The following BCAS3 variants were observed in gnomAD, a reference collection of about 807,000 sequenced individuals.
BCAS3 encodes BCAS4/BCAS3 fusion.
Under a neutral mutation model 116.1 loss-of-function variants are expected in BCAS3, and 53 were observed. The observed-to-expected ratio is 0.46, with a 90% confidence interval of 0.37 to 0.57. The LOEUF is 0.57. BCAS3 is among the 20% of genes least tolerant of loss of function. The probability of loss-of-function intolerance (pLI) is 0.00; values close to 1 mark genes in which losing one functional copy is unlikely to be tolerated. For missense variants in BCAS3, 917 were observed against 1,165.4 expected (o/e 0.79, Z 3.10); for synonymous variants, 391 against 408.2 (o/e 0.96, Z 0.51).
chr17:61,235,692 G>A lies in BCAS3; in HGVS notation c.2426-132635G>A, dbSNP rs1413651665. ...GTTTGAACTTGGAAAGAAGACTTTT[G>A]AATTGTTTAAAAAAAAAAAAAAGGA... is the stretch of plus-strand genomic sequence containing the variant. On this transcript the variant is annotated intron_variant, in intron 22 of 23. Coordinates refer to ENST00000407086, the MANE Select transcript of BCAS3 (RefSeq NM_017679.5). This position sits in a 1 kb window ranked among gnomAD's most constrained non-coding sequence, Gnocchi z 5.0. 4.7e-5 allele frequency among the ~76,000 whole-genome samples: 3 copies of A among 63,432 alleles called. No homozygotes were observed. The highest frequency in any genetic ancestry group is 5.7e-5 in the African/African-American group (1 of 17,490). The allele number at this position is 63,432 out of a possible 152,430, so 41.6% of individuals were successfully genotyped here. A position where few individuals can be genotyped will look rare whatever the true frequency, so the allele number is the denominator to read the frequency against.
chr17:60,818,150 C>T (rs915760322), intron 7 of BCAS3, among the ~76,000 whole-genome samples: 1 of 152,112 alleles, frequency 6.6e-6, no homozygotes, highest in African/African-American at 2.4e-5. Context: ...CCATTGCACC[C>T]AGCTGAGAAA....
At chr17:61,075,255 T>C (rs2071859543) in intron 20 of BCAS3, among the ~76,000 whole-genome samples, 1 of 152,148 alleles carries the variant, frequency 6.6e-6, no homozygotes, top group East Asian at 1.9e-4. Context: ...TCCATAAACA[T>C]GGCATAAAAT....
rs988005311 is a variant in BCAS3, at chr17:60,929,170, A to G, written c.1087+4670A>G. On this transcript the variant is annotated intron_variant, in intron 13 of 23. Transcript: ENST00000407086. The stretch of plus-strand genomic sequence containing the variant: ...AGCCGGGCACATTGCTTATAATCCC[A>G]GTGACCCAGGAGGCTGAGATGGGGG... Among the ~76,000 whole-genome samples, 10 of 152,340 alleles carry G rather than the reference A, an allele frequency of 6.6e-5. No individual in the cohort carries two copies. In the East Asian group the frequency reaches 1.9e-3, roughly 29 times the overall value.
Position 61,068,495 on chromosome 17 carries a change from C to T in BCAS3, c.2030-6425C>T, listed in dbSNP as rs1254460641. Among the ~76,000 whole-genome samples, 2 of 152,204 alleles carry T rather than the reference C, an allele frequency of 1.3e-5. No homozygotes were observed. The highest frequency in any genetic ancestry group is 2.9e-5 in the Non-Finnish European group (2 of 68,042). On this transcript the variant is annotated intron_variant, in intron 19 of 23. Transcript: ENST00000407086. The surrounding 1 kb of genome is among the most constrained non-coding windows in gnomAD (Gnocchi z 4.3). ...ATCCAGCTCCTGTCAGTTGTCTGGACTATGTCCATATTATTCTTGTACATG... is the reference window on the plus strand; with the variant it reads ...ATCCAGCTCCTGTCAGTTGTCTGGATTATGTCCATATTATTCTTGTACATG...
rs199967232 is a variant in BCAS3 at position 61,368,277 on chromosome 17, T to C, written c.2426-50T>C. 416 of 1,537,228 alleles carry C rather than the reference T, an allele frequency of 2.7e-4. 2 individuals carry two copies. In the African/African-American group the frequency reaches 5.2e-3, roughly 19 times the overall value. On this transcript the variant is annotated intron_variant, in intron 22 of 23. Coordinates refer to ENST00000407086, the MANE Select transcript of BCAS3 (RefSeq NM_017679.5). This position sits in a 1 kb window ranked among gnomAD's most constrained non-coding sequence, Gnocchi z 6.0. ...GGGTGGGAGGTAGACAAGAATGGCC[T>C]GCTCCCTGAAGGTGTGGACTCAACG...
intron 19 of BCAS3, among the ~76,000 whole-genome samples, chr17:61,053,877 A>G (rs1303709179): frequency 2.0e-5 from 3 of 152,234 alleles, no homozygotes; most frequent in Non-Finnish European, 4.4e-5. Context: ...CTCAGTTGAC[A>G]TATCCTTCCA....
chr17:60,742,124 T>C (rs1245524977), intron 5 of BCAS3, among the ~76,000 whole-genome samples: 2 of 152,228 alleles, frequency 1.3e-5, no homozygotes, highest in East Asian at 1.9e-4. Flanking sequence ...TTGGTTAATA[T>C]TCTGTTGGGC....
rs573451031 is a variant in BCAS3 at position 61,020,834 on chromosome 17, G to T, written c.1637+4933G>T. 9.9e-5 allele frequency among the ~76,000 whole-genome samples: 15 copies of T among 152,228 alleles called. No homozygotes were observed. The highest frequency in any genetic ancestry group is 3.4e-3 in the Middle Eastern group (1 of 294). On this transcript the variant is annotated intron_variant, in intron 16 of 23. Transcript: ENST00000407086. The surrounding 1 kb of genome is among the most constrained non-coding windows in gnomAD (Gnocchi z 4.5). ...TTTCCAAATTATTTTATGGACACAA[G>T]CAGAGAACAGTAAATTTCAAAAAGA...
intron 4 of BCAS3, among the ~76,000 whole-genome samples, chr17:60,707,565 G>C (rs187089190): frequency 7.9e-5 from 12 of 152,260 alleles, no homozygotes; most frequent in Admixed American, 7.9e-4. Context: ...GTACAGTGTT[G>C]AATATAAGTT....
chr17:60,798,512 G>A (rs187136908), intron 6 of BCAS3, among the ~76,000 whole-genome samples: 6 of 152,140 alleles, frequency 3.9e-5, no homozygotes, highest in Admixed American at 2.0e-4. Flanking sequence ...ACATTCCTTC[G>A]TTTTATGGCT....
chr17:61,038,695 G>A (rs2067258759), intron 18 of BCAS3, among the ~76,000 whole-genome samples: 1 of 109,612 alleles, frequency 9.1e-6, no homozygotes, highest in Non-Finnish European at 1.6e-5. Context: ...TTTGGAGACA[G>A]TCTCGCTCTG....
chr17:60,763,498 T>G (rs898920543), intron 6 of BCAS3, among the ~76,000 whole-genome samples: 4 of 152,234 alleles, frequency 2.6e-5, no homozygotes, highest in African/African-American at 9.6e-5. Context: ...TGGATTATGT[T>G]TACTGATTTG....
chr17:60,873,291 C>T (rs2055298400), intron 8 of BCAS3, among the ~76,000 whole-genome samples: 1 of 152,002 alleles, frequency 6.6e-6, no homozygotes, highest in African/African-American at 2.4e-5. Context: ...TAACAGTAGT[C>T]ACTCATTAGA....
intron 6 of BCAS3, among the ~76,000 whole-genome samples, chr17:60,791,424 T>C (rs892233365): frequency 6.6e-6 from 1 of 152,068 alleles, no homozygotes; most frequent in Non-Finnish European, 1.5e-5. Context: ...GAGGCTGAAA[T>C]GGGATAATCA....
At chr17:60,811,185 G>T in intron 7 of BCAS3, 1 of 666,084 alleles carries the variant, frequency 1.5e-6, no homozygotes, top group South Asian at 1.5e-5. Flanking sequence ...AGATCCTGTA[G>T]ACTGGATCCT....
Position 61,051,398 on chromosome 17 carries a change from C to T in BCAS3, c.2029+10506C>T, listed in dbSNP as rs1021325187. On this transcript the variant is annotated intron_variant, in intron 19 of 23. Transcript: ENST00000407086. The surrounding 1 kb of genome is among the most constrained non-coding windows in gnomAD (Gnocchi z 4.1). ...TTGTAGTGGAGGTTACACCAATTTA[C>T]ACATGTGATAAAATTGAATAGACCC... is the stretch of plus-strand genomic sequence containing the variant. Among the ~76,000 whole-genome samples, 1 of 149,566 alleles carries T rather than the reference C, an allele frequency of 6.7e-6. No homozygotes were observed. Among genetic ancestry groups the T allele is most frequent in the Admixed American group, 6.6e-5 (1 of 15,082 alleles).
chr17:61,341,066 G>C (rs779270905), intron 22 of BCAS3, among the ~76,000 whole-genome samples: 13 of 152,158 alleles, frequency 8.5e-5, no homozygotes, highest in Non-Finnish European at 1.5e-5. Flanking sequence ...GAGTATGATC[G>C]GGTTAGTGTT....
intron 19 of BCAS3, among the ~76,000 whole-genome samples, chr17:61,046,012 T>TTA (rs1226343522): frequency 1.1e-4 from 1 of 9,022 alleles, no homozygotes; most frequent in East Asian, 7.7e-3. Context: ...ATATATATAT[T>TTA]TATATATATA....
Position 61,101,701 on chromosome 17 carries a change from A to G in BCAS3, c.2425+17137A>G, listed in dbSNP as rs75381145. Among the ~76,000 whole-genome samples, 414 of 152,196 alleles carry G rather than the reference A, an allele frequency of 2.7e-3. 1 individual carries two copies. The highest frequency in any genetic ancestry group is 9.4e-3 in the African/African-American group (391 of 41,536). ...AACTTTTAAGAGTTGTTCAGCTCTC[A>G]TCCTCTTGACTTGTGTTTTCACATT... On this transcript the variant is annotated intron_variant, in intron 22 of 23. Transcript: ENST00000407086.
Sources: gnomAD v4.1 joint callset for allele counts (sites outside exome capture counted in the v4.1 genomes callset) on GRCh38, gnomAD v4.1.1 for gene constraint, Gnocchi (gnomAD v3.1) non-coding constraint, MANE v1.5 for transcripts, NCBI Gene and HGNC (gene_info 2026-07-23, HGNC 2026-07-21) for gene names.